The following PIK3C3 variants were observed in gnomAD, a reference collection of about 807,000 sequenced individuals.
PIK3C3 encodes the protein PI3-kinase type 3.
In PIK3C3, 95 loss-of-function variants were observed where a neutral mutation model predicts 126.1. That is an observed-to-expected ratio of 0.75 (90% CI 0.64 to 0.89). The LOEUF is 0.89. Ranked by LOEUF, PIK3C3 falls within the 40% of genes least tolerant of loss-of-function variation. The pLI, the probability that PIK3C3 is intolerant of heterozygous loss-of-function variation, is 0.00. For synonymous variants in PIK3C3, 374 were observed against 360.0 expected, an observed-to-expected ratio of 1.04 and a Z score of -0.44; for missense variants, 829 against 1,063.2, an observed-to-expected ratio of 0.78 and a Z score of 3.06.
intron 13 of PIK3C3, among the ~76,000 whole-genome samples, chr18:42,023,802 A>G (rs1293324283): frequency 6.6e-6 from 1 of 152,260 alleles, no homozygotes; most frequent in Non-Finnish European, 1.5e-5. Flanking sequence ...ATTATAACAA[A>G]TGTATTAAAA....
intron 4 of PIK3C3, among the ~76,000 whole-genome samples, chr18:41,973,384 C>G (rs769098123): frequency 6.6e-6 from 1 of 152,004 alleles, no homozygotes; most frequent in African/African-American, 2.4e-5. Flanking sequence ...TTGCCTTATA[C>G]TTGAGAAAAT....
chr18:42,076,137 TATATATGCGC>T (rs1368326147), intron 24 of PIK3C3, among the ~76,000 whole-genome samples: 11 of 80,846 alleles, frequency 1.4e-4, no homozygotes, highest in South Asian at 9.1e-4. Flanking sequence ...TATATATATA[TATATATGCGC>T]ATATATATAT....
At chr18:42,019,902 T>C (rs1404332693) in intron 12 of PIK3C3, among the ~76,000 whole-genome samples, 1 of 152,162 alleles carries the variant, frequency 6.6e-6, no homozygotes, top group African/African-American at 2.4e-5. Flanking sequence ...TTACTATTAA[T>C]GCCTTTCTTT....
intron 4 of PIK3C3, among the ~76,000 whole-genome samples, chr18:41,982,364 G>C (rs1981248885): frequency 1.3e-5 from 2 of 152,136 alleles, no homozygotes; most frequent in Admixed American, 1.3e-4. Flanking sequence ...TGGTTTTGTA[G>C]TTGGATCTAG....
chr18:41,957,549 T>A, intron 1 of PIK3C3, 21 bp from the exon 2 acceptor site: 1 of 1,599,742 alleles, frequency 6.3e-7, no homozygotes, highest in Non-Finnish European at 8.5e-7. Flanking sequence ...GTCTGAAACA[T>A]TGTTGGTCTT....
chr18:41,983,767 A>G (rs140474682), intron 4 of PIK3C3, among the ~76,000 whole-genome samples: 31 of 152,226 alleles, frequency 2.0e-4, no homozygotes, highest in African/African-American at 5.1e-4. Context: ...TTAAACACCT[A>G]CTAATCTGAG....
intron 6 of PIK3C3, among the ~76,000 whole-genome samples, chr18:41,990,803 G>A (rs1981737695): frequency 2.6e-5 from 4 of 152,120 alleles, no homozygotes; most frequent in Admixed American, 2.6e-4. Flanking sequence ...AAAACTTTGT[G>A]ATTAATTGTT....
intron 15 of PIK3C3, among the ~76,000 whole-genome samples, chr18:42,031,605 TG>T (rs926892892): frequency 6.6e-6 from 1 of 151,810 alleles, no homozygotes; most frequent in Non-Finnish European, 1.5e-5. Context: ...TTAGTAAAGA[TG>T]GGGGGGTTTC....
rs368190348 is a variant in PIK3C3 at position 41,998,102 on chromosome 18, C to T, written c.984+1372C>T. Among the ~76,000 whole-genome samples the T allele has an allele frequency of 9.8e-4, 149 of 152,218 alleles. No individual in the cohort carries two copies. In the Middle Eastern group the frequency reaches 0.017, roughly 17 times the overall value. ...TAAAGATAAAAATCCAGTTACAGCT[C>T]ATCTTAACTCTTCAGCTTTTCTGCT... is the stretch of plus-strand genomic sequence containing the variant. On this transcript the variant is annotated intron_variant, in intron 9 of 24. Transcript: ENST00000262039.
chr18:42,024,802 C>CT (rs1555635831), intron 13 of PIK3C3, among the ~76,000 whole-genome samples: 1,769 of 145,076 alleles, frequency 0.012, 34 homozygotes, highest in African/African-American at 0.039. Flanking sequence ...TATTTTTTTT[C>CT]TTTTTTTTTT....
chr18:41,985,801 A>G (rs994219455), intron 4 of PIK3C3, among the ~76,000 whole-genome samples: 1 of 152,180 alleles, frequency 6.6e-6, no homozygotes, highest in Non-Finnish European at 1.5e-5. Flanking sequence ...TAGGAAAGCT[A>G]ATCATATGCT....
chr18:41,982,295 T>C (rs1325401055), intron 4 of PIK3C3, among the ~76,000 whole-genome samples: 2 of 152,156 alleles, frequency 1.3e-5, no homozygotes, highest in Non-Finnish European at 2.9e-5. Flanking sequence ...CTTTTGTATA[T>C]AGTAGTACCA....
intron 24 of PIK3C3, among the ~76,000 whole-genome samples, chr18:42,079,487 A>G (rs867981787): frequency 4.6e-5 from 7 of 152,320 alleles, no homozygotes; most frequent in Admixed American, 1.3e-4. Flanking sequence ...TTACCAAACT[A>G]TGACACAGAG....
chr18:42,040,246 G>T (rs769146380), intron 18 of PIK3C3, among the ~76,000 whole-genome samples: 1 of 148,736 alleles, frequency 6.7e-6, no homozygotes, highest in Non-Finnish European at 1.5e-5. Context: ...GACAAAAGGA[G>T]CCATTACATA....
intron 4 of PIK3C3, among the ~76,000 whole-genome samples, chr18:41,982,684 A>C (rs1484429473): frequency 6.6e-6 from 1 of 152,182 alleles, no homozygotes; most frequent in East Asian, 1.9e-4. Context: ...GGACTATGAA[A>C]GTCACCCCAG....
Position 41,955,244 on chromosome 18 carries a change from T to C in PIK3C3, c.-48T>C. ...TCAGCTGGTTCATTTATGTTGTTTT[T>C]CCTGTACCTAAGTTCCCGCTGTAGG... On this transcript the variant is annotated 5_prime_UTR_variant, in exon 1 of 25. Coordinates refer to ENST00000262039, the MANE Select transcript of PIK3C3 (RefSeq NM_002647.4). 1 of 1,521,988 alleles carries C rather than the reference T, an allele frequency of 6.6e-7. No homozygotes were observed. The highest frequency in any genetic ancestry group is 1.4e-5 in the African/African-American group (1 of 72,762). The allele number at this position is 1,521,988 out of a possible 1,614,324, so 94.3% of individuals were successfully genotyped here.
intron 21 of PIK3C3, among the ~76,000 whole-genome samples, chr18:42,055,088 A>G (rs73950847): frequency 0.023 from 3,541 of 152,082 alleles, 152 homozygotes; most frequent in African/African-American, 0.081. Context: ...ATTGATGGAG[A>G]TAGGATCAAA....
rs200869353 is a variant in PIK3C3 at position 42,049,528 on chromosome 18, C to A, written c.2189-3C>A. The A allele has an allele frequency of 1.2e-4, 186 of 1,610,182 alleles. No homozygotes were observed. Among genetic ancestry groups the A allele is most frequent in the South Asian group, 3.3e-5 (3 of 90,730 alleles). On this transcript the variant is annotated splice_region_variant and splice_polypyrimidine_tract_variant and intron_variant, in intron 20 of 24. Transcript: ENST00000262039. ...CACATATTTTTTTTAACTGTTACTG[C>A]AGCTGGATATTGCGTGATCACCTAT...
At chr18:42,025,089 G>A (rs1983503851) in intron 13 of PIK3C3, among the ~76,000 whole-genome samples, 1 of 152,116 alleles carries the variant, frequency 6.6e-6, no homozygotes, top group South Asian at 2.1e-4. Flanking sequence ...TGGGATTACA[G>A]GCATGAGCCA....
Sources: allele counts gnomAD v4.1 joint callset (sites outside exome capture counted in the v4.1 genomes callset), GRCh38; gene constraint gnomAD v4.1.1; transcripts MANE v1.5; gene names NCBI Gene and HGNC (gene_info 2026-07-23, HGNC 2026-07-21).